PTPN13: variants seen among roughly 807,000 people sequenced by gnomAD.
PTPN13 encodes protein tyrosine phosphatase non-receptor type 13, also known as tyrosine-protein phosphatase non-receptor type 13.
Under a neutral mutation model 284.0 loss-of-function variants are expected in PTPN13, and 191 were observed. The ratio of observed to expected loss-of-function variants is 0.67; its 90% CI spans 0.60 to 0.76. The LOEUF is 0.76. PTPN13 is among the 30% of genes least tolerant of loss of function. The pLI is 0.00. For missense variants in PTPN13, 2,797 were observed against 2,939.9 expected, an observed-to-expected ratio of 0.95 and a Z score of 1.12; for synonymous variants, 986 against 1,022.3, an observed-to-expected ratio of 0.96 and a Z score of 0.68.
Position 86,767,834 on chromosome 4 carries a change from A to C in PTPN13, c.4347A>C (p.Leu1449Phe). 1 of 1,584,210 alleles carries C rather than the reference A, an allele frequency of 6.3e-7. No individual in the cohort carries two copies. Among genetic ancestry groups the C allele is most frequent in the Non-Finnish European group, 8.6e-7 (1 of 1,164,294 alleles). ...RNTGQVVHLL[L>F]EKGQSPTSKE... ...TTATCCAGGTGGTTCATCTGTTATTAGAAAAGGGACAATCTCCAACATCTA... is the reference window on the plus strand; with the variant it reads ...TTATCCAGGTGGTTCATCTGTTATTCGAAAAGGGACAATCTCCAACATCTA... The change falls in exon 28 of 48, where the codon TTA becomes TTC. Residue 1449 changes from leucine to phenylalanine, a missense_variant. Leu to Phe is a conservative substitution (Grantham distance 22). Transcript: ENST00000411767.
intron 1 of PTPN13, among the ~76,000 whole-genome samples, chr4:86,631,568 A>C (rs1479077431): frequency 6.6e-6 from 1 of 152,112 alleles, no homozygotes; most frequent in East Asian, 1.9e-4. Flanking sequence ...ATCTATTCTG[A>C]TAGCTTGATG....
At chr4:86,645,802 A>G (rs145515160) in intron 2 of PTPN13, among the ~76,000 whole-genome samples, 9 of 152,292 alleles carry the variant, frequency 5.9e-5, no homozygotes, top group African/African-American at 2.2e-4. Flanking sequence ...CCAACAGGCT[A>G]TATTTTTTTT....
intron 1 of PTPN13, among the ~76,000 whole-genome samples, chr4:86,629,165 A>T (rs1297535302): frequency 2.0e-5 from 3 of 148,116 alleles, no homozygotes; most frequent in African/African-American, 7.5e-5. Flanking sequence ...CAGGCAACCT[A>T]CAACATGGGA....
chr4:86,735,515 A>G (rs756534255), intron 14 of PTPN13, 79 bp from the exon 15 acceptor site: 4 of 1,495,198 alleles, frequency 2.7e-6, no homozygotes, highest in Non-Finnish European at 3.6e-6. Flanking sequence ...TAGCCAAAGC[A>G]AGAACTTTAA....
intron 1 of PTPN13, among the ~76,000 whole-genome samples, chr4:86,627,374 TTTATTA>T (rs1721953829): frequency 6.6e-6 from 1 of 152,134 alleles, no homozygotes; most frequent in African/African-American, 2.4e-5. Context: ...AAATTTACCA[TTTATTA>T]TTATTTCTTA....
intron 1 of PTPN13, among the ~76,000 whole-genome samples, chr4:86,606,288 A>T (rs952002832): frequency 6.6e-6 from 1 of 151,868 alleles, no homozygotes; most frequent in Non-Finnish European, 1.5e-5. Flanking sequence ...GCTGTATTTA[A>T]AATGAGCCAC....
chr4:86,813,485 A>T (rs1359407159), intron 47 of PTPN13, among the ~76,000 whole-genome samples: 2 of 152,036 alleles, frequency 1.3e-5, no homozygotes, highest in East Asian at 3.9e-4. Context: ...TCACTCTGTC[A>T]CCCAGGCTGG....
chr4:86,811,448 GAGAT>G (rs1230027333), intron 47 of PTPN13, among the ~76,000 whole-genome samples: 1 of 152,186 alleles, frequency 6.6e-6, no homozygotes, highest in Non-Finnish European at 1.5e-5. Flanking sequence ...ACCTGAAAAA[GAGAT>G]AGAAGGTAAC....
intron 1 of PTPN13, among the ~76,000 whole-genome samples, chr4:86,600,450 T>G (rs1310592392): frequency 2.0e-5 from 3 of 146,944 alleles, no homozygotes; most frequent in African/African-American, 7.6e-5. Context: ...TTTTTTTTTT[T>G]TTTTTTTTAC....
chr4:86,737,135 G>A (rs1200201776), intron 15 of PTPN13, among the ~76,000 whole-genome samples: 2 of 151,970 alleles, frequency 1.3e-5, no homozygotes, highest in Non-Finnish European at 2.9e-5. Context: ...CAGCTGGTTG[G>A]GAGGCTGATG....
In PTPN13 at chr4:86,624,453, G is replaced by A. The variant is rs141416927; in HGVS notation, c.-5-10799G>A. Among the ~76,000 whole-genome samples, 183 of 152,204 alleles carry A rather than the reference G, an allele frequency of 1.2e-3. 1 individual carries two copies. The highest frequency in any genetic ancestry group is 4.3e-3 in the African/African-American group (178 of 41,542). Reference sequence around the variant, plus strand: ...GCAGCTCTAATAGTCCCTTTGCTTTGTTTAGTTTTCTAGTTTTGTAGACTT... The same window carrying A: ...GCAGCTCTAATAGTCCCTTTGCTTTATTTAGTTTTCTAGTTTTGTAGACTT... On this transcript the variant is annotated intron_variant, in intron 1 of 47. Coordinates refer to ENST00000411767, the MANE Select transcript of PTPN13 (RefSeq NM_080683.3).
intron 45 of PTPN13, among the ~76,000 whole-genome samples, chr4:86,808,280 T>A (rs1744863170): frequency 6.6e-6 from 1 of 152,212 alleles, no homozygotes. Flanking sequence ...TAGAAAATAT[T>A]CCCTCATAAA....
intron 2 of PTPN13, among the ~76,000 whole-genome samples, chr4:86,652,153 A>T (rs563537449): frequency 3.8e-4 from 58 of 152,240 alleles, no homozygotes; most frequent in African/African-American, 1.3e-3. Flanking sequence ...GTATTTTTTT[A>T]ATCTCAATTT....
chr4:86,660,342 C>T (rs918125884), intron 2 of PTPN13, among the ~76,000 whole-genome samples: 7 of 150,568 alleles, frequency 4.6e-5, no homozygotes, highest in African/African-American at 1.7e-4. Flanking sequence ...ATAAGTAACA[C>T]GATTAAAGCA....
At chr4:86,624,563 A>G (rs751220848) in intron 1 of PTPN13, among the ~76,000 whole-genome samples, 31 of 152,194 alleles carry the variant, frequency 2.0e-4, no homozygotes, top group Admixed American at 2.0e-4. Flanking sequence ...GGAAGTATTC[A>G]ACTAGCTGAC....
chr4:86,746,985 G>A (rs1736839556), intron 17 of PTPN13, among the ~76,000 whole-genome samples: 1 of 152,124 alleles, frequency 6.6e-6, no homozygotes, highest in Admixed American at 6.5e-5. Context: ...AAGTTTATAT[G>A]CTCATATATT....
chr4:86,763,359 A>G lies in PTPN13; in HGVS notation c.4017+169A>G, dbSNP rs190158272. Among the ~76,000 whole-genome samples the G allele has an allele frequency of 6.6e-5, 10 of 152,370 alleles. No individual in the cohort carries two copies. The East Asian group carries it at 1.2e-3, about 18-fold the overall frequency. ...TTGATGCTAACTTTCAGAGAAATCA[A>G]CAGCTTTGGATAATAACTTTAAATG... On this transcript the variant is annotated intron_variant, in intron 24 of 47. Coordinates refer to ENST00000411767, the MANE Select transcript of PTPN13 (RefSeq NM_080683.3).
intron 33 of PTPN13, 127 bp downstream of exon 33, chr4:86,774,658 A>G: frequency 1.5e-6 from 1 of 650,534 alleles, no homozygotes; most frequent in Non-Finnish European, 2.2e-6. Context: ...TCCACCACTT[A>G]AAAGTAAAGG....
chr4:86,719,750 T>C (rs1733439559), intron 9 of PTPN13, among the ~76,000 whole-genome samples: 1 of 152,230 alleles, frequency 6.6e-6, no homozygotes, highest in African/African-American at 2.4e-5. Context: ...TTTCAATGCT[T>C]GTAGGCTGCA....
Sources: allele counts gnomAD v4.1 joint callset (sites outside exome capture counted in the v4.1 genomes callset), GRCh38; gene constraint gnomAD v4.1.1; transcripts MANE v1.5; gene names NCBI Gene and HGNC (gene_info 2026-07-23, HGNC 2026-07-21).